SP7: variants seen among roughly 807,000 people sequenced by gnomAD.
SP7 encodes the protein transcription factor Sp7.
Under a neutral mutation model 27.9 loss-of-function variants are expected in SP7, and 13 were observed. The observed-to-expected ratio is 0.47, with a 90% CI of 0.30 to 0.74. The LOEUF (loss-of-function observed/expected upper bound fraction) is 0.74. Among genes scored for constraint, SP7 ranks in the 30% least tolerant of loss-of-function variants. SP7 has a pLI of 0.06. For synonymous variants in SP7, 219 were observed against 226.7 expected, an observed-to-expected ratio of 0.97 and a Z score of 0.31; for missense variants, 525 against 558.0, an observed-to-expected ratio of 0.94 and a Z score of 0.60.
intron 1 of SP7, 128 bp downstream of exon 1, chr12:53,336,018 T>G: frequency 3.8e-6 from 1 of 264,178 alleles, no homozygotes. Flanking sequence ...GGGCAAGTTG[T>G]CAGGGCTTCC....
chr12:53,335,709 GGGGGGGT>G lies in SP7; in HGVS notation c.-47-23_-47-17del. 7.2e-7 allele frequency: 1 copy of G among 1,397,038 alleles called. No individual in the cohort carries two copies. The highest frequency in any genetic ancestry group is 9.5e-7 in the Non-Finnish European group (1 of 1,049,418). 86.5% of individuals were successfully genotyped at this position (1,397,038 alleles called of 1,614,324 possible). ...ATGGAGAGAGCTGAGCCGGGGGGTG[GGGGGGGT>G]AGAGAGAGAAAAGGGAGAGGGAGGG... On this transcript the variant is annotated splice_polypyrimidine_tract_variant and intron_variant, in intron 1 of 2. Coordinates refer to ENST00000536324, the MANE Select transcript of SP7 (RefSeq NM_001173467.3).
At chr12:53,341,567 TAAG>T (rs1009413985) in intron 1 of SP7, among the ~76,000 whole-genome samples, 7 of 152,340 alleles carry the variant, frequency 4.6e-5, no homozygotes, top group African/African-American at 1.2e-4. Flanking sequence ...GTGTCTTTCA[TAAG>T]AAGAAGTTGG....
At chr12:53,335,833 C>T in intron 1 of SP7, 140 bp from the exon 2 acceptor site, 4 of 1,404,602 alleles carry the variant, frequency 2.8e-6, no homozygotes, top group Non-Finnish European at 3.7e-6. Context: ...CCTCTAATTA[C>T]AGCTTTCCCA....
At chr12:53,331,808 G>T (rs1038740954) in intron 2 of SP7, among the ~76,000 whole-genome samples, 1 of 152,194 alleles carries the variant, frequency 6.6e-6, no homozygotes, top group Non-Finnish European at 1.5e-5. Flanking sequence ...GCTGAGAAAA[G>T]AACTCAAGAA....
intron 2 of SP7, among the ~76,000 whole-genome samples, chr12:53,331,312 A>G (rs1592532669): frequency 1.3e-5 from 2 of 152,080 alleles, no homozygotes; most frequent in East Asian, 3.9e-4. Flanking sequence ...TCTACTAAAA[A>G]TATAAAAAAA....
chr12:53,342,978 A>G (rs542755044), intron 1 of SP7, among the ~76,000 whole-genome samples: 7 of 151,968 alleles, frequency 4.6e-5, no homozygotes, highest in Admixed American at 6.6e-5. Flanking sequence ...AAACTGAAGG[A>G]CAAATAAGAG....
chr12:53,338,138 GGTT>G (rs1944789384), upstream of SP7, among the ~76,000 whole-genome samples: 1 of 150,210 alleles, frequency 6.7e-6, no homozygotes, highest in South Asian at 2.1e-4. Flanking sequence ...GGAGGAGGAG[GGTT>G]GTGTTGCCAG....
chr12:53,342,715 C>A (rs886932348), intron 1 of SP7, among the ~76,000 whole-genome samples: 2 of 151,888 alleles, frequency 1.3e-5, no homozygotes, highest in African/African-American at 2.4e-5. Context: ...ACTTGGGAGG[C>A]TGAGGCAGAG....
upstream of SP7, among the ~76,000 whole-genome samples, chr12:53,340,242 T>A (rs117127506): frequency 1.0e-3 from 152 of 152,056 alleles, 1 homozygote; most frequent in East Asian, 0.028. Flanking sequence ...AACACACGTA[T>A]CTACACATGT....
Position 53,329,212 on chromosome 12 carries a change from G to A in SP7, c.230C>T (p.Pro77Leu). ...GGTGGGTGCTGGAGGACTGCCTGCA[G>A]GTGAAAGGAGCCCATTAGTGCTTGT... Reference protein sequence around the residue: ...PFTSTNGLLSPAGSPPAPTSG... With the variant: ...PFTSTNGLLSLAGSPPAPTSG... Residue 77 changes from proline to leucine, a missense_variant, in exon 3 of 3, where the codon CCT becomes CTT. Coordinates refer to ENST00000536324, the MANE Select transcript of SP7 (RefSeq NM_001173467.3). 2 of 1,613,824 alleles carry A rather than the reference G, an allele frequency of 1.2e-6. No individual in the cohort carries two copies. Among genetic ancestry groups the A allele is most frequent in the Non-Finnish European group, 8.5e-7 (1 of 1,179,874 alleles).
intron 2 of SP7, among the ~76,000 whole-genome samples, chr12:53,330,371 A>T (rs1273799570): frequency 3.3e-5 from 5 of 152,128 alleles, no homozygotes. Flanking sequence ...ATTTTTAGAG[A>T]CAGGGTCTCA....
chr12:53,338,149 C>T (rs1415930309), upstream of SP7, among the ~76,000 whole-genome samples: 3 of 138,876 alleles, frequency 2.2e-5, no homozygotes, highest in African/African-American at 7.9e-5. Flanking sequence ...GTTGTGTTGC[C>T]AGGCAGGTGG....
In SP7 at chr12:53,328,024, C is replaced by T; in HGVS notation, c.*122G>A. ...AAGCCCAGAATGGCCAGGAGGGAGA[C>T]AGAGGGAGAGAGCCCCGAAGGATGG... On this transcript the variant is annotated 3_prime_UTR_variant, in exon 3 of 3. Transcript: ENST00000536324. This position sits in a 1 kb window ranked among gnomAD's most constrained non-coding sequence, Gnocchi z 5.1. The T allele has an allele frequency of 9.6e-7, 1 of 1,042,360 alleles. No homozygotes were observed. Among genetic ancestry groups the T allele is most frequent in the South Asian group, 1.7e-5 (1 of 59,076 alleles). The allele number at this position is 1,042,360 out of a possible 1,614,324, so 64.6% of individuals were successfully genotyped here.
At chr12:53,342,821 T>A (rs992977918) in intron 1 of SP7, among the ~76,000 whole-genome samples, 2 of 147,702 alleles carry the variant, frequency 1.4e-5, no homozygotes, top group Admixed American at 6.7e-5. Context: ...TCTCAAAAAA[T>A]AAATAAATAA....
At chr12:53,333,012 T>A (rs1285541399) in intron 2 of SP7, among the ~76,000 whole-genome samples, 1 of 150,982 alleles carries the variant, frequency 6.6e-6, no homozygotes, top group Non-Finnish European at 1.5e-5. Flanking sequence ...GAAGGAGGGG[T>A]GAAAGAAGGC....
At chr12:53,339,649 C>T (rs529522461), upstream of SP7, among the ~76,000 whole-genome samples, 4 of 150,134 alleles carry the variant, frequency 2.7e-5, no homozygotes, top group Non-Finnish European at 5.9e-5. Flanking sequence ...CACTTGAACC[C>T]AGGAGGTGGA....
intron 2 of SP7, among the ~76,000 whole-genome samples, chr12:53,330,430 T>C (rs1425953924): frequency 6.6e-6 from 1 of 152,156 alleles, no homozygotes; most frequent in Non-Finnish European, 1.5e-5. Context: ...CACAGCTCAC[T>C]GTAGCCTCAA....
At chr12:53,335,889 A>C (rs1944765352) in intron 1 of SP7, 196 bp from the exon 2 acceptor site, 16 of 1,273,520 alleles carry the variant, frequency 1.3e-5, no homozygotes, top group Non-Finnish European at 1.6e-5. Flanking sequence ...AGAGGGAGGC[A>C]GAGGGTCCAA....
chr12:53,332,146 A>C (rs74090751), intron 2 of SP7, among the ~76,000 whole-genome samples: 3,049 of 152,256 alleles, frequency 0.02, 97 homozygotes, highest in African/African-American at 0.069. Context: ...GGAGGAGTCA[A>C]ATCCTAGCAG....
Sources: allele counts gnomAD v4.1 joint callset (sites outside exome capture counted in the v4.1 genomes callset), GRCh38; gene constraint gnomAD v4.1.1; non-coding constraint Gnocchi (gnomAD v3.1); transcripts MANE v1.5; gene names NCBI Gene and HGNC (gene_info 2026-07-23, HGNC 2026-07-21).